Variants in GABRA3 observed in about 807,000 individuals in gnomAD.
GABRA3 encodes the protein gamma-aminobutyric acid receptor subunit alpha-3.
In GABRA3, 10 loss-of-function variants were observed where a neutral mutation model predicts 30.1. That is an observed-to-expected ratio of 0.33 (90% CI 0.20 to 0.56). The LOEUF (loss-of-function observed/expected upper bound fraction) is 0.56, where lower values mean the gene tolerates loss of function less well. Among genes scored for constraint, GABRA3 ranks in the 20% least tolerant of loss-of-function variants. The pLI, the probability that GABRA3 is intolerant of heterozygous loss-of-function variation, is 0.89. For synonymous variants in GABRA3, 151 were observed against 146.8 expected (o/e 1.03, Z -0.21); for missense variants, 233 against 392.0 (o/e 0.59, Z 3.42).
chrX:152,242,045 T>A (rs1938388891), intron 5 of GABRA3, among the ~76,000 whole-genome samples: 1 of 111,604 alleles, frequency 9.0e-6, no homozygotes, highest in Admixed American at 9.5e-5. Context: ...ATTTCTATAG[T>A]ACTCAAAACA....
At chrX:152,426,478 G>C (rs1237449223) in intron 1 of GABRA3, among the ~76,000 whole-genome samples, 1 of 111,614 alleles carries the variant, frequency 9.0e-6, no homozygotes, top group Admixed American at 9.5e-5. Context: ...TAACTTGCAA[G>C]AGTTAGTTGC....
intron 1 of GABRA3, among the ~76,000 whole-genome samples, chrX:152,434,361 C>T (rs1281610208): frequency 9.0e-6 from 1 of 111,239 alleles, no homozygotes; most frequent in Non-Finnish European, 1.9e-5. Context: ...TTTTGAGACT[C>T]GGACTGACTC....
chrX:152,307,250 T>C (rs1200338066), intron 3 of GABRA3, among the ~76,000 whole-genome samples: 1 of 111,997 alleles, frequency 8.9e-6, no homozygotes, highest in Non-Finnish European at 1.9e-5. Flanking sequence ...GTAAATTAAA[T>C]AAGGGATGCT....
intron 5 of GABRA3, among the ~76,000 whole-genome samples, chrX:152,234,618 T>A (rs1938160013): frequency 9.0e-6 from 1 of 111,648 alleles, no homozygotes; most frequent in South Asian, 3.7e-4. Context: ...TACATTTGAG[T>A]CTTTAATCCA....
chrX:152,438,280 T>C, intron 1 of GABRA3, among the ~76,000 whole-genome samples: 1 of 111,907 alleles, frequency 8.9e-6, no homozygotes, highest in Non-Finnish European at 1.9e-5. Context: ...CCTATTAGAA[T>C]GTCCAAAATC....
At chrX:152,198,563 C>G (rs140085599) in intron 7 of GABRA3, among the ~76,000 whole-genome samples, 18 of 112,192 alleles carry the variant, frequency 1.6e-4, no homozygotes, top group Non-Finnish European at 3.4e-4. Flanking sequence ...TTGTCAGCAG[C>G]ATTTTATGCA....
intron 1 of GABRA3, among the ~76,000 whole-genome samples, chrX:152,430,460 A>T (rs1169388753): frequency 8.9e-6 from 1 of 111,746 alleles, no homozygotes; most frequent in Non-Finnish European, 1.9e-5. Flanking sequence ...TGCTATGACC[A>T]GCCCAGGAAG....
At chrX:152,404,120 G>T (rs1024250286) in intron 1 of GABRA3, among the ~76,000 whole-genome samples, 1 of 111,414 alleles carries the variant, frequency 9.0e-6, no homozygotes, top group Non-Finnish European at 1.9e-5. Context: ...CAAAGAGTAA[G>T]GATGGAAAAG....
At chrX:152,337,774 A>G (rs1399486093) in intron 3 of GABRA3, among the ~76,000 whole-genome samples, 2 of 112,120 alleles carry the variant, frequency 1.8e-5, no homozygotes, top group Non-Finnish European at 3.8e-5. Context: ...AGCCATGATC[A>G]TGCTACTGCA....
chrX:152,413,202 G>C (rs1930117021), intron 1 of GABRA3, among the ~76,000 whole-genome samples: 1 of 109,800 alleles, frequency 9.1e-6, no homozygotes, highest in Non-Finnish European at 1.9e-5. Context: ...TCCCAGACCA[G>C]ATGGCTTCAC....
At chrX:152,445,666 A>G (rs774405129) in intron 1 of GABRA3, among the ~76,000 whole-genome samples, 1 of 111,823 alleles carries the variant, frequency 8.9e-6, no homozygotes, top group Non-Finnish European at 1.9e-5. Flanking sequence ...CACAATATAG[A>G]GCAGAACATG....
intron 2 of GABRA3, among the ~76,000 whole-genome samples, chrX:152,359,936 G>A (rs1394856690): frequency 9.1e-6 from 1 of 109,973 alleles, no homozygotes; most frequent in Non-Finnish European, 1.9e-5. Context: ...TAATTCTTGC[G>A]ATAGTTTACT....
chrX:152,306,957 C>G (rs1312534374), intron 3 of GABRA3, among the ~76,000 whole-genome samples: 1 of 110,918 alleles, frequency 9.0e-6, no homozygotes, highest in East Asian at 2.8e-4. Flanking sequence ...CACCTCCCAC[C>G]AAATTTTGAT....
At chrX:152,250,361 G>A (rs188456673) in intron 5 of GABRA3, among the ~76,000 whole-genome samples, 133 of 111,322 alleles carry the variant, frequency 1.2e-3, no homozygotes, top group African/African-American at 4.1e-3. Context: ...GTAAGCACTC[G>A]TGAATGTGCT....
intron 5 of GABRA3, among the ~76,000 whole-genome samples, chrX:152,252,257 G>A (rs1358904695): frequency 9.0e-6 from 1 of 111,648 alleles, no homozygotes; most frequent in African/African-American, 3.2e-5. Context: ...TGTATGTGAA[G>A]AACACTAATA....
intron 3 of GABRA3, among the ~76,000 whole-genome samples, chrX:152,304,153 T>C (rs1040274456): frequency 9.0e-6 from 1 of 111,666 alleles, no homozygotes; most frequent in African/African-American, 3.3e-5. Flanking sequence ...ATGGAGTTGT[T>C]TTTTGCTTCT....
At chrX:152,374,303 T>A in intron 1 of GABRA3, among the ~76,000 whole-genome samples, 1 of 108,269 alleles carries the variant, frequency 9.2e-6, no homozygotes, top group Non-Finnish European at 1.9e-5. Flanking sequence ...TTTAGTTTAA[T>A]TAGATACCAT....
At chrX:152,290,198 C>T (rs983794707) in intron 3 of GABRA3, among the ~76,000 whole-genome samples, 4 of 111,658 alleles carry the variant, frequency 3.6e-5, no homozygotes, top group Non-Finnish European at 7.5e-5. Context: ...TTTTAATGAT[C>T]GCCATTCTAA....
At chrX:152,438,897 GAT>G (rs1338161464) in intron 1 of GABRA3, among the ~76,000 whole-genome samples, 1 of 110,598 alleles carries the variant, frequency 9.0e-6, no homozygotes, top group African/African-American at 3.3e-5. Context: ...AATAATGGTG[GAT>G]ATATGTTATA....
Sources: allele counts gnomAD v4.1 joint callset (sites outside exome capture counted in the v4.1 genomes callset), GRCh38; gene constraint gnomAD v4.1.1; transcripts MANE v1.5; gene names NCBI Gene and HGNC (gene_info 2026-07-23, HGNC 2026-07-21).